The following SLC43A1 variants were observed in gnomAD, a reference collection of about 807,000 sequenced individuals.
SLC43A1 encodes large neutral amino acids transporter small subunit 3.
Under a neutral mutation model 59.5 loss-of-function variants are expected in SLC43A1, and 31 were observed. The ratio of observed to expected loss-of-function variants is 0.52; its 90% CI spans 0.39 to 0.70. The LOEUF (loss-of-function observed/expected upper bound fraction) is 0.70, where lower values mean the gene tolerates loss of function less well. Ranked by LOEUF, SLC43A1 falls within the 30% of genes least tolerant of loss-of-function variation. SLC43A1 has a pLI of 0.00. For synonymous variants in SLC43A1, 259 were observed against 290.9 expected, an observed-to-expected ratio of 0.89 and a Z score of 1.12; for missense variants, 598 against 717.8, an observed-to-expected ratio of 0.83 and a Z score of 1.91.
At chr11:57,495,519 T>C (rs1028372601) in intron 7 of SLC43A1, among the ~76,000 whole-genome samples, 2 of 152,038 alleles carry the variant, frequency 1.3e-5, no homozygotes, top group Non-Finnish European at 2.9e-5. Flanking sequence ...ATGTGCCAAC[T>C]GTATTACTTA....
At chr11:57,487,334 G>T in intron 13 of SLC43A1, 116 bp from the exon 14 acceptor site, 1 of 1,299,838 alleles carries the variant, frequency 7.7e-7, no homozygotes, top group Non-Finnish European at 1.0e-6. Context: ...GTGCTTAAGC[G>T]TTCGGGCTCT....
chr11:57,510,098 C>T (rs985500033), intron 2 of SLC43A1, among the ~76,000 whole-genome samples: 12 of 152,084 alleles, frequency 7.9e-5, no homozygotes, highest in Non-Finnish European at 1.0e-4. Context: ...CATCATTGAT[C>T]AGTAGGGAAA....
rs1300537934 is a variant in SLC43A1, at chr11:57,506,893, G to A, written c.155-5564C>T. Among the ~76,000 whole-genome samples the A allele has an allele frequency of 2.6e-5, 4 of 152,192 alleles. No individual in the cohort carries two copies. The East Asian group carries it at 7.7e-4, about 29-fold the overall frequency. Reference sequence around the variant, plus strand: ...TTGTTTTATTTGGGCACTTATGCTGGATATAGAGTAGTTTGTGATAAATTG... The same window carrying A: ...TTGTTTTATTTGGGCACTTATGCTGAATATAGAGTAGTTTGTGATAAATTG... On this transcript the variant is annotated intron_variant, in intron 2 of 14. Transcript: ENST00000278426.
intron 13 of SLC43A1, among the ~76,000 whole-genome samples, chr11:57,487,444 G>A (rs536111100): frequency 2.6e-5 from 4 of 152,282 alleles, no homozygotes; most frequent in Admixed American, 2.6e-4. Context: ...ATATTGGCAA[G>A]TGGCTCAAAC....
chr11:57,496,696 G>A (rs564611921), intron 6 of SLC43A1, among the ~76,000 whole-genome samples: 2 of 152,286 alleles, frequency 1.3e-5, no homozygotes, highest in South Asian at 4.1e-4. Flanking sequence ...GGGTTGGGGA[G>A]AGGGAGGTGC....
Position 57,489,239 on chromosome 11 carries a change from G to A in SLC43A1, c.1335+12C>T. ...CGGGAGGCAGGGAGAGGGGAAGGAT[G>A]AAGGTGGGTACCTGGAGGTGTAAGT... On this transcript the variant is annotated intron_variant, in intron 12 of 14. Coordinates refer to ENST00000278426, the MANE Select transcript of SLC43A1 (RefSeq NM_003627.6). 3 of 1,614,184 alleles carry A rather than the reference G, an allele frequency of 1.9e-6. No homozygotes were observed. The highest frequency in any genetic ancestry group is 8.5e-7 in the Non-Finnish European group (1 of 1,180,018).
rs759951928 is a variant in SLC43A1, at chr11:57,485,108, C to T, written c.1668G>A (p.Glu556=). 5.6e-6 allele frequency: 9 copies of T among 1,613,656 alleles called. No homozygotes were observed. Among genetic ancestry groups the T allele is most frequent in the African/African-American group, 1.3e-5 (1 of 74,896 alleles). ...MGPLKVLSGS[E]VTA ...TGGTCTGAGAAGTCTATGCGGTCACCTCAGAGCCGCTAAGCACCTTCAGTG... is the reference window on the plus strand; with the variant it reads ...TGGTCTGAGAAGTCTATGCGGTCACTTCAGAGCCGCTAAGCACCTTCAGTG... Residue 556 remains glutamate (E), a synonymous_variant, in exon 15 of 15, where the codon GAG becomes GAA. Coordinates refer to ENST00000278426, the MANE Select transcript of SLC43A1 (RefSeq NM_003627.6).
At chr11:57,508,819 T>C (rs1273333330) in intron 2 of SLC43A1, among the ~76,000 whole-genome samples, 1 of 151,490 alleles carries the variant, frequency 6.6e-6, no homozygotes, top group African/African-American at 2.4e-5. Flanking sequence ...AAAAAACAAA[T>C]AAATTCTGAG....
intron 2 of SLC43A1, among the ~76,000 whole-genome samples, chr11:57,505,891 G>A (rs1186820106): frequency 6.6e-6 from 1 of 152,172 alleles, no homozygotes; most frequent in Non-Finnish European, 1.5e-5. Context: ...TGGGGACTGT[G>A]GTCTCAACCA....
At chr11:57,487,502 C>T (rs771214780) in intron 13 of SLC43A1, among the ~76,000 whole-genome samples, 1 of 152,130 alleles carries the variant, frequency 6.6e-6, no homozygotes, top group African/African-American at 2.4e-5. Context: ...GCATTGACCT[C>T]GCAGGACTGT....
chr11:57,491,215 G>T lies in SLC43A1; in HGVS notation c.1193+9C>A. The T allele has an allele frequency of 6.4e-7, 1 of 1,550,736 alleles. No individual in the cohort carries two copies. The highest frequency in any genetic ancestry group is 8.7e-7 in the Non-Finnish European group (1 of 1,146,526). On this transcript the variant is annotated intron_variant, in intron 11 of 14. Transcript: ENST00000278426. ...ACTTGCTGTCACCATCCCTGTACAG[G>T]CAGGTCACCTGGCATCTCCGAGGAC... is the stretch of plus-strand genomic sequence containing the variant.
intron 2 of SLC43A1, among the ~76,000 whole-genome samples, chr11:57,512,938 A>C (rs776347640): frequency 2.6e-5 from 4 of 152,106 alleles, no homozygotes; most frequent in African/African-American, 4.8e-5. Context: ...CCCCTCAAGG[A>C]ATCGGTTTTC....
intron 6 of SLC43A1, 78 bp downstream of exon 6, chr11:57,497,675 G>A: frequency 9.3e-7 from 1 of 1,073,210 alleles, no homozygotes; most frequent in Non-Finnish European, 1.4e-6. Context: ...AGACCCGTGG[G>A]TCAGCACTAG....
chr11:57,497,211 G>C (rs904738577), intron 6 of SLC43A1, among the ~76,000 whole-genome samples: 1 of 151,184 alleles, frequency 6.6e-6, no homozygotes, highest in African/African-American at 2.4e-5. Flanking sequence ...CTCAGTCAAA[G>C]GGTCCTTTGA....
At position 57,505,924 on chromosome 11, in the gene SLC43A1, T is replaced by C. The variant is rs142295781; in HGVS notation, c.155-4595A>G. Among the ~76,000 whole-genome samples the C allele has an allele frequency of 4.4e-3, 665 of 152,302 alleles. 8 individuals are homozygous for C. Among genetic ancestry groups the C allele is most frequent in the Admixed American group, 8.2e-3 (125 of 15,296 alleles). The stretch of plus-strand genomic sequence containing the variant: ...CCACCTGAGAGGCTGGCTCTGAGAA[T>C]TGTCACACATACACACACAGCGAAC... On this transcript the variant is annotated intron_variant, in intron 2 of 14. Transcript: ENST00000278426.
Position 57,497,789 on chromosome 11 carries a change from A to G in SLC43A1, c.522T>C (p.Ser174=). The change falls in exon 6 of 15, where the codon TCT becomes TCC. Residue 174 remains serine (S), a synonymous_variant. Transcript: ENST00000278426. ...RSTLMALMIG[S]YASSAITFPG... ...GGAACGTAATGGCAGAAGAGGCGTA[A>G]GAGCCAATCATGAGGGCCATTAACG... 2 of 1,613,848 alleles carry G rather than the reference A, an allele frequency of 1.2e-6. No homozygotes were observed. Among genetic ancestry groups the G allele is most frequent in the Non-Finnish European group, 1.7e-6 (2 of 1,179,900 alleles).
rs1481303017 is a variant in SLC43A1, at chr11:57,484,997, C to T, written c.*99G>A. The T allele has an allele frequency of 2.2e-5, 29 of 1,309,846 alleles. No homozygotes were observed. Among genetic ancestry groups the T allele is most frequent in the Non-Finnish European group, 9.3e-6 (9 of 965,790 alleles). The allele number at this position is 1,309,846 out of a possible 1,614,324, so 81.1% of individuals were successfully genotyped here. On this transcript the variant is annotated 3_prime_UTR_variant, in exon 15 of 15. Transcript: ENST00000278426. Reference sequence around the variant, plus strand: ...GGTATTTATAAATCTACGGCCATGGCTCTATGTGCATGTTACAGGTAGAAA... The same window carrying T: ...GGTATTTATAAATCTACGGCCATGGTTCTATGTGCATGTTACAGGTAGAAA...
chr11:57,486,474 C>G (rs1214037788), intron 14 of SLC43A1, among the ~76,000 whole-genome samples: 2 of 145,210 alleles, frequency 1.4e-5, no homozygotes, highest in African/African-American at 5.1e-5. Context: ...CCAGACTGGG[C>G]AACAGAACAA....
At chr11:57,500,671 C>T (rs899549736) in intron 5 of SLC43A1, 108 bp downstream of exon 5, 24 of 906,018 alleles carry the variant, frequency 2.6e-5, no homozygotes, top group South Asian at 5.7e-5. Flanking sequence ...TAGTGATCTG[C>T]GTCCACAGGC....
Sources: allele counts gnomAD v4.1 joint callset (sites outside exome capture counted in the v4.1 genomes callset), GRCh38; gene constraint gnomAD v4.1.1; transcripts MANE v1.5; gene names NCBI Gene and HGNC (gene_info 2026-07-23, HGNC 2026-07-21).